ABLIM3: variants seen among roughly 807,000 people sequenced by gnomAD.
ABLIM3 encodes actin binding LIM protein family member 3, also known as actin-binding LIM protein 3.
A neutral mutation model predicts 109.5 loss-of-function variants in ABLIM3; 61 were observed. The observed-to-expected ratio is 0.56, with a 90% CI of 0.45 to 0.69. ABLIM3 has a LOEUF of 0.69. Ranked by LOEUF, ABLIM3 falls within the 30% of genes least tolerant of loss-of-function variation. The pLI is 0.00. For synonymous variants in ABLIM3, 300 were observed against 324.8 expected, an observed-to-expected ratio of 0.92 and a Z score of 0.82; for missense variants, 796 against 889.5, an observed-to-expected ratio of 0.89 and a Z score of 1.34.
At chr5:149,151,646 C>G (rs1254519922) in intron 2 of ABLIM3, among the ~76,000 whole-genome samples, 4 of 152,324 alleles carry the variant, frequency 2.6e-5, no homozygotes, top group South Asian at 2.1e-4. Flanking sequence ...GGGAAGTGCT[C>G]TTACATAGGA....
chr5:149,240,574 C>T (rs1319991387), intron 13 of ABLIM3, 102 bp from the exon 14 acceptor site: 1 of 907,930 alleles, frequency 1.1e-6, no homozygotes, highest in Non-Finnish European at 1.8e-6. Context: ...CATCCCCCAT[C>T]TCTGCTGTCA....
chr5:149,226,282 G>A (rs1027083097), intron 8 of ABLIM3, among the ~76,000 whole-genome samples: 1 of 151,678 alleles, frequency 6.6e-6, no homozygotes, highest in Non-Finnish European at 1.5e-5. Context: ...TCAGGATATC[G>A]AGACCATCCT....
At chr5:149,239,349 C>G (rs1032303512) in intron 12 of ABLIM3, 72 bp downstream of exon 12, 2 of 1,533,258 alleles carry the variant, frequency 1.3e-6, no homozygotes, top group Non-Finnish European at 1.8e-6. Flanking sequence ...CCATCCCCAG[C>G]CCCCCGAAGG....
At chr5:149,200,636 A>G in intron 5 of ABLIM3, 2 of 588,458 alleles carry the variant, frequency 3.4e-6, no homozygotes, top group Non-Finnish European at 6.1e-6. Flanking sequence ...CTGCCTGGCC[A>G]TAAACAGTGG....
At chr5:149,229,268 A>T (rs1057179222) in intron 8 of ABLIM3, among the ~76,000 whole-genome samples, 4 of 152,222 alleles carry the variant, frequency 2.6e-5, no homozygotes, top group Non-Finnish European at 5.9e-5. Context: ...CTTTAGAAAG[A>T]ATTAAACCCA....
intron 23 of ABLIM3, among the ~76,000 whole-genome samples, chr5:149,253,392 A>C (rs998248037): frequency 6.6e-6 from 1 of 151,544 alleles, no homozygotes; most frequent in African/African-American, 2.4e-5. Context: ...CCAAGCGACA[A>C]CCTCACTGCA....
intron 14 of ABLIM3, among the ~76,000 whole-genome samples, chr5:149,241,945 G>A (rs1023169642): frequency 3.9e-5 from 6 of 152,144 alleles, no homozygotes; most frequent in African/African-American, 1.4e-4. Context: ...CAGAGCCAGG[G>A]CTGAACCTCA....
chr5:149,206,435 G>A (rs1242198937), intron 5 of ABLIM3, among the ~76,000 whole-genome samples: 1 of 152,204 alleles, frequency 6.6e-6, no homozygotes, highest in African/African-American at 2.4e-5. Flanking sequence ...TATGCTTTGA[G>A]TTACTGCTAT....
rs115644975 is a variant in ABLIM3 at position 149,233,851 on chromosome 5, G to A, written c.888+551G>A. 2.7e-3 allele frequency among the ~76,000 whole-genome samples: 404 copies of A among 152,308 alleles called. 2 individuals are homozygous for A. Among genetic ancestry groups the A allele is most frequent in the African/African-American group, 8.8e-3 (365 of 41,570 alleles). On this transcript the variant is annotated intron_variant, in intron 10 of 23. Transcript: ENST00000309868. ...AGCAGACCCACCTCCATGTGTCTGA[G>A]CTCCCATCTCCACAGGCATTCAAAC...
intron 2 of ABLIM3, among the ~76,000 whole-genome samples, chr5:149,153,652 T>A (rs996142857): frequency 6.6e-6 from 1 of 152,052 alleles, no homozygotes; most frequent in Non-Finnish European, 1.5e-5. Context: ...ACCGGAACAG[T>A]GGAAGGACTT....
intron 2 of ABLIM3, among the ~76,000 whole-genome samples, chr5:149,153,055 C>T (rs1394501263): frequency 6.6e-6 from 1 of 152,124 alleles, no homozygotes; most frequent in African/African-American, 2.4e-5. Flanking sequence ...GAAAAGCCCA[C>T]TCTCTCTAAT....
At chr5:149,204,508 AAGATGTCCC>A (rs1203507260) in intron 5 of ABLIM3, among the ~76,000 whole-genome samples, 3 of 152,242 alleles carry the variant, frequency 2.0e-5, no homozygotes, top group Non-Finnish European at 1.5e-5. Context: ...CCACATGGAG[AAGATGTCCC>A]AGAATTCTCA....
chr5:149,228,575 C>T (rs1257813566), intron 8 of ABLIM3, among the ~76,000 whole-genome samples: 30 of 152,180 alleles, frequency 2.0e-4, no homozygotes, highest in Admixed American at 2.0e-3. Flanking sequence ...CATTGTTGAG[C>T]TATTGGCCTA....
At chr5:149,168,946 G>A (rs1233406579) in intron 2 of ABLIM3, among the ~76,000 whole-genome samples, 1 of 152,076 alleles carries the variant, frequency 6.6e-6, no homozygotes, top group Non-Finnish European at 1.5e-5. Context: ...GTGGGGCCCA[G>A]GAATCTGTAT....
intron 8 of ABLIM3, 47 bp from the exon 9 acceptor site, chr5:149,230,602 G>A (rs1251959769): frequency 6.3e-7 from 1 of 1,597,166 alleles, no homozygotes; most frequent in East Asian, 2.2e-5. Flanking sequence ...GGAGAGTGCT[G>A]GAGGGTTTGA....
rs565473238 is a variant in ABLIM3 at position 149,250,031 on chromosome 5, T to C, written c.1729+187T>C. On this transcript the variant is annotated intron_variant, in intron 19 of 23. Transcript: ENST00000309868. ...TGCATTTGGGTTTCTGGAACTAGGA[T>C]TGCCATCCCCAATAGATGGTCCCAG... Among the ~76,000 whole-genome samples, 5 of 152,286 alleles carry C rather than the reference T, an allele frequency of 3.3e-5. No homozygotes were observed. In the East Asian group the frequency reaches 9.7e-4, roughly 29 times the overall value.
Position 149,207,018 on chromosome 5 carries a change from G to C in ABLIM3, c.459G>C (p.Gly153=), listed in dbSNP as rs1759047226. Residue 153 remains glycine (G), a synonymous_variant, in exon 6 of 24, where the codon GGG becomes GGC. Transcript: ENST00000309868. ...IKIRGPSHCA[G]CKEEIKHGQS... is the part of the protein sequence containing the mutation. Reference sequence around the variant, plus strand: ...CCTCTTGTCTTGCAGACTGTGCCGGGTGCAAGGAGGAGATCAAGCACGGCC... The same window carrying C: ...CCTCTTGTCTTGCAGACTGTGCCGGCTGCAAGGAGGAGATCAAGCACGGCC... 1 of 1,613,696 alleles carries C rather than the reference G, an allele frequency of 6.2e-7. No homozygotes were observed. Among genetic ancestry groups the C allele is most frequent in the African/African-American group, 1.3e-5 (1 of 74,866 alleles).
intron 11 of ABLIM3, among the ~76,000 whole-genome samples, chr5:149,238,256 T>C (rs999527320): frequency 6.6e-6 from 1 of 152,176 alleles, no homozygotes; most frequent in Non-Finnish European, 1.5e-5. Context: ...GCAGTCTATA[T>C]CCTAGAAGAT....
At chr5:149,181,428 G>C (rs538201031) in intron 2 of ABLIM3, among the ~76,000 whole-genome samples, 2 of 152,176 alleles carry the variant, frequency 1.3e-5, no homozygotes, top group Non-Finnish European at 2.9e-5. Flanking sequence ...GTTAATTAAT[G>C]ATTTAGTTAA....
Sources: gnomAD v4.1 joint callset for allele counts (sites outside exome capture counted in the v4.1 genomes callset) on GRCh38, gnomAD v4.1.1 for gene constraint, MANE v1.5 for transcripts, NCBI Gene and HGNC (gene_info 2026-07-23, HGNC 2026-07-21) for gene names.